The following ITGA9 variants were observed in gnomAD, a reference collection of about 807,000 sequenced individuals.
ITGA9 encodes integrin subunit alpha 9.
A neutral mutation model predicts 127.8 loss-of-function variants in ITGA9; 56 were observed. The ratio of observed to expected loss-of-function variants is 0.44; its 90% CI spans 0.35 to 0.55. The LOEUF (loss-of-function observed/expected upper bound fraction) is 0.55, where lower values mean the gene tolerates loss of function less well. Among genes scored for constraint, ITGA9 ranks in the 20% least tolerant of loss-of-function variants. The pLI is 0.00. For missense variants in ITGA9, 1,196 were observed against 1,347.1 expected (o/e 0.89, Z 1.76); for synonymous variants, 508 against 514.5 (o/e 0.99, Z 0.17).
chr3:37,711,852 T>A (rs1051885770), intron 18 of ITGA9, among the ~76,000 whole-genome samples: 27 of 152,318 alleles, frequency 1.8e-4, no homozygotes, highest in African/African-American at 6.5e-4. Context: ...AAAAACAGAA[T>A]CTTGGCCCTC....
chr3:37,600,187 A>G (rs1279473191), intron 15 of ITGA9, among the ~76,000 whole-genome samples: 1 of 152,226 alleles, frequency 6.6e-6, no homozygotes, highest in Non-Finnish European at 1.5e-5. Context: ...CTTAGTCAAT[A>G]AAAAATAAGC....
At chr3:37,540,031 G>A (rs1448598614) in intron 14 of ITGA9, among the ~76,000 whole-genome samples, 2 of 152,210 alleles carry the variant, frequency 1.3e-5, no homozygotes, top group African/African-American at 4.8e-5. Context: ...TGCAATTTGG[G>A]CCGGACAGCA....
At position 37,659,983 on chromosome 3, in the gene ITGA9, A is replaced by AACACAC. The variant is rs10694969; in HGVS notation, c.1916+6208_1916+6213dup. 9.8e-3 allele frequency among the ~76,000 whole-genome samples: 1,469 copies of AACACAC among 150,028 alleles called. 22 individuals carry two copies. The highest frequency in any genetic ancestry group is 0.03 in the African/African-American group (1,215 of 40,868). ...TGAGTTTACTGGAGGAAGATGATGT[A>AACACAC]ACACACACACACACACACACGCACA... On this transcript the variant is annotated intron_variant, in intron 17 of 27. Transcript: ENST00000264741.
Position 37,779,976 on chromosome 3 carries a change from T to C in ITGA9, c.2742T>C (p.Arg914=), listed in dbSNP as rs138963995. 1.4e-4 allele frequency: 232 copies of C among 1,614,070 alleles called. No homozygotes were observed. The Admixed American group carries it at 3.8e-3, about 27-fold the overall frequency. ...GTGCTCTTGCTAAAGAAGAAAGTCG[T>C]ACTATAGACATTTACATGCTGCTGA... ...NFSALAKEES[R]TIDIYMLLNT... Residue 914 remains arginine, a synonymous_variant, in exon 25 of 28, where the codon CGT becomes CGC. Transcript: ENST00000264741.
chr3:37,690,936 G>A (rs1000241699), intron 18 of ITGA9, among the ~76,000 whole-genome samples: 1 of 152,174 alleles, frequency 6.6e-6, no homozygotes, highest in Non-Finnish European at 1.5e-5. Context: ...ACTACAGTGG[G>A]CAATGGGGCT....
At chr3:37,463,287 T>G (rs996742596) in intron 1 of ITGA9, among the ~76,000 whole-genome samples, 2 of 152,172 alleles carry the variant, frequency 1.3e-5, no homozygotes, top group Non-Finnish European at 2.9e-5. Flanking sequence ...ACCCCAAAAC[T>G]TAGTGGCTTA....
intron 27 of ITGA9, among the ~76,000 whole-genome samples, chr3:37,811,740 A>T (rs1404882144): frequency 6.6e-6 from 1 of 152,238 alleles, no homozygotes; most frequent in Non-Finnish European, 1.5e-5. Context: ...AGCAAAGGGA[A>T]GTGAGACTGC....
At chr3:37,634,694 C>G (rs1034015175) in intron 16 of ITGA9, among the ~76,000 whole-genome samples, 1 of 152,074 alleles carries the variant, frequency 6.6e-6, no homozygotes. Flanking sequence ...ACAGATCATC[C>G]AGACAGAAAA....
intron 8 of ITGA9, among the ~76,000 whole-genome samples, chr3:37,513,125 T>A (rs1213901756): frequency 6.6e-6 from 1 of 152,216 alleles, no homozygotes; most frequent in Admixed American, 6.5e-5. Flanking sequence ...TGTTGTGAGA[T>A]TTCATATTCC....
At position 37,806,288 on chromosome 3, in the gene ITGA9, T is replaced by TGTGTGTGTGTGCGTGCGC. The variant is rs1368169966; in HGVS notation, c.3009+2358_3009+2375dup. 6.7e-6 allele frequency: 1 copy of TGTGTGTGTGTGCGTGCGC among 148,972 alleles called. No individual in the cohort carries two copies. Among genetic ancestry groups the TGTGTGTGTGTGCGTGCGC allele is most frequent in the African/African-American group, 2.6e-5 (1 of 38,446 alleles). The allele number at this position is 148,972 out of a possible 1,614,324, so 9.2% of individuals were successfully genotyped here. ...TTTGGTGCATGAGTGTGTGTGGGTGTGTGTGTGTGTGCGTGCGCGTGTGTG... is the reference window on the plus strand; with the variant it reads ...TTTGGTGCATGAGTGTGTGTGGGTGTGTGTGTGTGTGCGTGCGCGTGTGTGTGTGCGTGCGCGTGTGTG... On this transcript the variant is annotated intron_variant, in intron 27 of 27. Coordinates refer to ENST00000264741, the MANE Select transcript of ITGA9 (RefSeq NM_002207.3). This position sits in a 1 kb window ranked among gnomAD's most constrained non-coding sequence, Gnocchi z 4.3.
At chr3:37,552,888 G>A (rs995142299) in intron 15 of ITGA9, among the ~76,000 whole-genome samples, 5 of 151,980 alleles carry the variant, frequency 3.3e-5, no homozygotes, top group Non-Finnish European at 4.4e-5. Flanking sequence ...GGTGGTGGGT[G>A]CCTGTAATCC....
At position 37,645,263 on chromosome 3, in the gene ITGA9, C is replaced by T. The variant is rs72857264; in HGVS notation, c.1840-8451C>T. Among the ~76,000 whole-genome samples, 995 of 152,084 alleles carry T rather than the reference C, an allele frequency of 6.5e-3. 13 individuals are homozygous for T. Among genetic ancestry groups the T allele is most frequent in the African/African-American group, 0.023 (935 of 41,474 alleles). On this transcript the variant is annotated intron_variant, in intron 16 of 27. Transcript: ENST00000264741. ...GCAGAGACCTTCTGCTAAGTCATAC[C>T]GCATATCAAGAAATATATTGCTAGG...
chr3:37,535,402 AGAG>A (rs1699198428), intron 14 of ITGA9, among the ~76,000 whole-genome samples: 2 of 152,238 alleles, frequency 1.3e-5, no homozygotes, highest in East Asian at 1.9e-4. Flanking sequence ...AGCTGAGCGC[AGAG>A]GAGATGTGGG....
intron 15 of ITGA9, among the ~76,000 whole-genome samples, chr3:37,593,634 A>G (rs955766167): frequency 6.6e-6 from 1 of 152,228 alleles, no homozygotes; most frequent in Non-Finnish European, 1.5e-5. Context: ...TCTAAACCGA[A>G]TTATATCCTG....
chr3:37,480,011 A>G (rs1698535823), intron 3 of ITGA9, among the ~76,000 whole-genome samples: 1 of 152,206 alleles, frequency 6.6e-6, no homozygotes, highest in African/African-American at 2.4e-5. Context: ...TTCAAAAGCA[A>G]TATTTTAAGA....
chr3:37,488,400 GTATTAT>G (rs1309652026), intron 4 of ITGA9, among the ~76,000 whole-genome samples: 2 of 152,044 alleles, frequency 1.3e-5, no homozygotes, highest in Non-Finnish European at 2.9e-5. Flanking sequence ...TTATGTGCCT[GTATTAT>G]TACTTGCTGC....
chr3:37,460,494 C>A (rs1453541969), intron 1 of ITGA9, among the ~76,000 whole-genome samples: 1 of 151,998 alleles, frequency 6.6e-6, no homozygotes, highest in African/African-American at 2.4e-5. Context: ...GTGATGGATA[C>A]CCCATTTACC....
intron 15 of ITGA9, among the ~76,000 whole-genome samples, chr3:37,578,734 G>C (rs1699676868): frequency 6.6e-6 from 1 of 152,120 alleles, no homozygotes; most frequent in African/African-American, 2.4e-5. Flanking sequence ...CCTCCCATAA[G>C]TCATAATCTC....
intron 8 of ITGA9, among the ~76,000 whole-genome samples, chr3:37,510,459 A>G (rs964688026): frequency 6.6e-6 from 1 of 152,146 alleles, no homozygotes; most frequent in Non-Finnish European, 1.5e-5. Context: ...GTAATTAACA[A>G]TCTGTAATTG....
Sources: allele counts gnomAD v4.1 joint callset (sites outside exome capture counted in the v4.1 genomes callset), GRCh38; gene constraint gnomAD v4.1.1; non-coding constraint Gnocchi (gnomAD v3.1); transcripts MANE v1.5; gene names NCBI Gene and HGNC (gene_info 2026-07-23, HGNC 2026-07-21).